The following ZNF462 variants were observed in gnomAD, a reference collection of about 807,000 sequenced individuals.
ZNF462 encodes the protein zinc finger PBX1-interacting protein.
Under a neutral mutation model 201.9 loss-of-function variants are expected in ZNF462, and 10 were observed. That is an observed-to-expected ratio of 0.05 (90% CI 0.03 to 0.08). The LOEUF (loss-of-function observed/expected upper bound fraction) is 0.08. ZNF462 is among the 10% of genes least tolerant of loss of function. ZNF462 has a pLI of 1.00. For missense variants in ZNF462, 2,523 were observed against 3,168.3 expected, an observed-to-expected ratio of 0.80 and a Z score of 4.89; for synonymous variants, 1,227 against 1,193.3, an observed-to-expected ratio of 1.03 and a Z score of -0.58.
At chr9:106,918,242 G>C (rs1829858162) in intron 1 of ZNF462, among the ~76,000 whole-genome samples, 1 of 152,114 alleles carries the variant, frequency 6.6e-6, no homozygotes. Context: ...ATTCAGAAAA[G>C]AACTGATTCT....
rs1238033992 is a variant in ZNF462, at chr9:106,890,134, A to T, written c.-31+26779A>T. The stretch of plus-strand genomic sequence containing the variant: ...AGACTAGGCATACATCATTGTATAT[A>T]TTCTGCCTAAAAGTTTGTAAAATCT... On this transcript the variant is annotated intron_variant, in intron 1 of 12. Coordinates refer to ENST00000277225, the MANE Select transcript of ZNF462 (RefSeq NM_021224.6). The surrounding 1 kb of genome is among the most constrained non-coding windows in gnomAD (Gnocchi z 4.2). Among the ~76,000 whole-genome samples, 2 of 152,220 alleles carry T rather than the reference A, an allele frequency of 1.3e-5. No individual in the cohort carries two copies. The highest frequency in any genetic ancestry group is 4.8e-5 in the African/African-American group (2 of 41,448).
Position 107,003,716 on chromosome 9 carries a change from A to G in ZNF462, c.7189+290A>G, listed in dbSNP as rs1040046323. On this transcript the variant is annotated intron_variant, in intron 11 of 12. Coordinates refer to ENST00000277225, the MANE Select transcript of ZNF462 (RefSeq NM_021224.6). The surrounding 1 kb of genome is among the most constrained non-coding windows in gnomAD (Gnocchi z 4.4). The stretch of plus-strand genomic sequence containing the variant: ...AATAAGGAAAACTGGTATCTAGGGA[A>G]TCTTCAGAATAAGGACAAGCAGACA... Among the ~76,000 whole-genome samples, 2 of 152,120 alleles carry G rather than the reference A, an allele frequency of 1.3e-5. No individual in the cohort carries two copies. The highest frequency in any genetic ancestry group is 1.5e-5 in the Non-Finnish European group (1 of 68,000).
Position 106,929,340 on chromosome 9 carries a change from G to C in ZNF462, c.5428G>C (p.Val1810Leu). ...ASKLGGYFTA[V>L]YADEHEKPTL... is the part of the protein sequence containing the mutation. ...CAAGTTGGGGGGCTACTTCACGGCC[G>C]TCTATGCAGATGAGCATGAGAAGCC... Residue 1810 changes from valine (V) to leucine (L), a missense_variant, in exon 3 of 13, where the codon GTC becomes CTC. Val to Leu is a conservative substitution (Grantham distance 32). Around this residue, in one of 15 missense-constraint regions of ZNF462, gnomAD observed 207 missense variants for 231.6 expected, o/e 0.89. Coordinates refer to ENST00000277225, the MANE Select transcript of ZNF462 (RefSeq NM_021224.6). This position sits in a 1 kb window ranked among gnomAD's most constrained non-coding sequence, Gnocchi z 8.7. 6.2e-7 allele frequency: 1 copy of C among 1,614,168 alleles called. No individual in the cohort carries two copies. The highest frequency in any genetic ancestry group is 8.5e-7 in the Non-Finnish European group (1 of 1,180,042).
chr9:106,972,398 G>T lies in ZNF462; in HGVS notation c.6695+126G>T, dbSNP rs918190738. The T allele has an allele frequency of 3.6e-6, 5 of 1,372,380 alleles. No individual in the cohort carries two copies. The highest frequency in any genetic ancestry group is 4.9e-6 in the Non-Finnish European group (5 of 1,016,926). The allele number at this position is 1,372,380 out of a possible 1,614,324, so 85.0% of individuals were successfully genotyped here. On this transcript the variant is annotated intron_variant, in intron 8 of 12. Coordinates refer to ENST00000277225, the MANE Select transcript of ZNF462 (RefSeq NM_021224.6). The surrounding 1 kb of genome is among the most constrained non-coding windows in gnomAD (Gnocchi z 4.8). ...AGGCCCTGCCCATGTGATGATGTAGGGGTTGGGTCCAGGCTTCATGGAAGG... is the reference window on the plus strand; with the variant it reads ...AGGCCCTGCCCATGTGATGATGTAGTGGTTGGGTCCAGGCTTCATGGAAGG...
chr9:106,978,219 G>A lies in ZNF462; in HGVS notation c.6832+3946G>A, dbSNP rs568420340. 6.6e-6 allele frequency among the ~76,000 whole-genome samples: 1 copy of A among 151,538 alleles called. No homozygotes were observed. The highest frequency in any genetic ancestry group is 1.9e-4 in the East Asian group (1 of 5,182). On this transcript the variant is annotated intron_variant, in intron 9 of 12. Coordinates refer to ENST00000277225, the MANE Select transcript of ZNF462 (RefSeq NM_021224.6). The surrounding 1 kb of genome is among the most constrained non-coding windows in gnomAD (Gnocchi z 4.1). Reference sequence around the variant, plus strand: ...GGTTCCAGGTAGACTTAAGTTTATGGGGGACACTCTTCAACCCACTACACG... The same window carrying A: ...GGTTCCAGGTAGACTTAAGTTTATGAGGGACACTCTTCAACCCACTACACG...
At chr9:106,988,011 A>G (rs1343039480) in intron 10 of ZNF462, among the ~76,000 whole-genome samples, 1 of 152,206 alleles carries the variant, frequency 6.6e-6, no homozygotes, top group Non-Finnish European at 1.5e-5. Flanking sequence ...ATTCTGTTCC[A>G]TTGGTATATA....
At chr9:106,953,890 G>A (rs973319683) in intron 7 of ZNF462, among the ~76,000 whole-genome samples, 1 of 152,054 alleles carries the variant, frequency 6.6e-6, no homozygotes, top group Non-Finnish European at 1.5e-5. Flanking sequence ...TGCCACTCCA[G>A]GTCTTGTTGG....
intron 10 of ZNF462, among the ~76,000 whole-genome samples, chr9:106,999,526 A>G (rs746278448): frequency 5.9e-5 from 9 of 152,214 alleles, no homozygotes; most frequent in South Asian, 2.1e-4. Flanking sequence ...CAAGTAAACT[A>G]TCATATGCCT....
intron 11 of ZNF462, among the ~76,000 whole-genome samples, chr9:107,007,229 C>G (rs1390351311): frequency 6.6e-6 from 1 of 152,120 alleles, no homozygotes; most frequent in African/African-American, 2.4e-5. Context: ...GGCTTCTGCT[C>G]CCCTATGACT....
At chr9:106,967,436 C>CT (rs1351127393) in intron 7 of ZNF462, among the ~76,000 whole-genome samples, 1 of 151,390 alleles carries the variant, frequency 6.6e-6, no homozygotes, top group Admixed American at 6.6e-5. Flanking sequence ...ATTTTTTTCT[C>CT]TAAGTTTTGG....
intron 7 of ZNF462, among the ~76,000 whole-genome samples, chr9:106,942,811 C>A (rs1032458693): frequency 1.3e-5 from 2 of 152,168 alleles, no homozygotes; most frequent in Non-Finnish European, 2.9e-5. Context: ...GCAATGGATA[C>A]GTAACTTAAA....
At chr9:106,952,342 C>T (rs982868240) in intron 7 of ZNF462, among the ~76,000 whole-genome samples, 1 of 152,110 alleles carries the variant, frequency 6.6e-6, no homozygotes, top group Non-Finnish European at 1.5e-5. Flanking sequence ...TTCTAAATTA[C>T]TGTAGAAATA....
At chr9:106,944,606 A>G (rs911397382) in intron 7 of ZNF462, among the ~76,000 whole-genome samples, 1 of 152,176 alleles carries the variant, frequency 6.6e-6, no homozygotes, top group African/African-American at 2.4e-5. Context: ...AACTGTTAGT[A>G]AATATACAAT....
rs1048026274 is a variant in ZNF462, at chr9:107,010,680, C to A, written c.7314-143C>A. On this transcript the variant is annotated intron_variant, in intron 12 of 12. Coordinates refer to ENST00000277225, the MANE Select transcript of ZNF462 (RefSeq NM_021224.6). The surrounding 1 kb of genome is among the most constrained non-coding windows in gnomAD (Gnocchi z 4.6). ...CATCACTTGGTATTTTGTCATACAC[C>A]CATGGCATTTGTTCAAAGGAAACCC... The A allele has an allele frequency of 1.4e-5, 10 of 705,394 alleles. No homozygotes were observed. Among genetic ancestry groups the A allele is most frequent in the Admixed American group, 3.0e-5 (1 of 32,822 alleles). The allele number at this position is 705,394 out of a possible 1,614,324, so 43.7% of individuals were successfully genotyped here.
chr9:106,928,310 C>T lies in ZNF462; in HGVS notation c.4398C>T (p.Ser1466=), dbSNP rs1330119656. Residue 1466 remains serine (S), a synonymous_variant, in exon 3 of 13, where the codon TCC becomes TCT. Transcript: ENST00000277225. This position sits in a 1 kb window ranked among gnomAD's most constrained non-coding sequence, Gnocchi z 9.3. The part of the protein sequence containing the change: ...LQLASANPAI[S]STPYQCTVCQ... ...TAGCTTCAGCCAACCCCGCCATATC[C>T]TCCACCCCATACCAGTGCACGGTAT... is the stretch of plus-strand genomic sequence containing the variant. The T allele has an allele frequency of 6.2e-7, 1 of 1,614,036 alleles. No individual in the cohort carries two copies. The highest frequency in any genetic ancestry group is 1.3e-5 in the African/African-American group (1 of 74,904).
rs542784551 is a variant in ZNF462, at chr9:106,911,245, C to T, written c.-30-12109C>T. Among the ~76,000 whole-genome samples the T allele has an allele frequency of 2.0e-5, 3 of 152,264 alleles. No homozygotes were observed. In the East Asian group the frequency reaches 5.8e-4, roughly 29 times the overall value. On this transcript the variant is annotated intron_variant, in intron 1 of 12. Coordinates refer to ENST00000277225, the MANE Select transcript of ZNF462 (RefSeq NM_021224.6). Reference sequence around the variant, plus strand: ...CAACTTAGTATTTTCTCATTAATTGCTATATAAGAAGTTAAATATTTGCAA... The same window carrying T: ...CAACTTAGTATTTTCTCATTAATTGTTATATAAGAAGTTAAATATTTGCAA...
chr9:106,886,277 G>C lies in ZNF462; in HGVS notation c.-31+22922G>C, dbSNP rs555783046. Among the ~76,000 whole-genome samples the C allele has an allele frequency of 4.6e-5, 7 of 152,298 alleles. No individual in the cohort carries two copies. In the East Asian group the frequency reaches 1.4e-3, roughly 29 times the overall value. ...CTTTAAACTTTCTCTGTCTTTTCAT[G>C]ACTTGGGTATGTTTATGTAGATCCA... On this transcript the variant is annotated intron_variant, in intron 1 of 12. Transcript: ENST00000277225. The surrounding 1 kb of genome is among the most constrained non-coding windows in gnomAD (Gnocchi z 4.6).
At chr9:106,983,487 T>A (rs776296901) in intron 9 of ZNF462, among the ~76,000 whole-genome samples, 15 of 152,142 alleles carry the variant, frequency 9.9e-5, no homozygotes, top group Non-Finnish European at 1.9e-4. Context: ...ATCCCCTTAG[T>A]TTCAAAAGGA....
In ZNF462 at chr9:106,932,159, G is replaced by C; in HGVS notation, c.6013-287G>C. 6.8e-7 allele frequency: 1 copy of C among 1,480,118 alleles called. No individual in the cohort carries two copies. The highest frequency in any genetic ancestry group is 9.0e-7 in the Non-Finnish European group (1 of 1,113,476). 91.7% of individuals were successfully genotyped at this position (1,480,118 alleles called of 1,614,324 possible). On this transcript the variant is annotated intron_variant, in intron 4 of 12. Coordinates refer to ENST00000277225, the MANE Select transcript of ZNF462 (RefSeq NM_021224.6). This position sits in a 1 kb window ranked among gnomAD's most constrained non-coding sequence, Gnocchi z 6.8. ...AGGGGAGGAAGCTTTGACAAGAAGTGCTGTTGAGTTTGGGAGAATGTAGGG... is the reference window on the plus strand; with the variant it reads ...AGGGGAGGAAGCTTTGACAAGAAGTCCTGTTGAGTTTGGGAGAATGTAGGG...
Sources: gnomAD v4.1 joint callset for allele counts (sites outside exome capture counted in the v4.1 genomes callset) on GRCh38, gnomAD v4.1.1 for gene constraint, gnomAD v4.1.1 regional missense constraint, Gnocchi (gnomAD v3.1) non-coding constraint, MANE v1.5 for transcripts, NCBI Gene and HGNC (gene_info 2026-07-23, HGNC 2026-07-21) for gene names.